LRP1B: variants seen among roughly 807,000 people sequenced by gnomAD.
LRP1B encodes LDL receptor related protein 1B.
Under a neutral mutation model 556.6 loss-of-function variants are expected in LRP1B, and 217 were observed. The observed-to-expected ratio is 0.39, with a 90% CI of 0.35 to 0.44. The LOEUF is 0.44. LRP1B is among the 20% of genes least tolerant of loss of function. The probability of loss-of-function intolerance (pLI) is 1.00; values close to 1 mark genes in which losing one functional copy is unlikely to be tolerated. For synonymous variants in LRP1B, 2,047 were observed against 1,865.8 expected, an observed-to-expected ratio of 1.10 and a Z score of -2.50; for missense variants, 5,053 against 5,620.8, an observed-to-expected ratio of 0.90 and a Z score of 3.23.
intron 3 of LRP1B, among the ~76,000 whole-genome samples, chr2:141,278,805 C>A (rs962915059): frequency 6.6e-6 from 1 of 152,096 alleles, no homozygotes; most frequent in African/African-American, 2.4e-5. Context: ...GGTAAAATAT[C>A]CAGGGAAGGC....
intron 1 of LRP1B, among the ~76,000 whole-genome samples, chr2:141,958,225 CTT>C (rs770380827): frequency 2.8e-4 from 42 of 152,016 alleles, no homozygotes; most frequent in Non-Finnish European, 5.6e-4. Context: ...GGCATGCTGA[CTT>C]TGTTCAGAAG....
chr2:141,241,890 AAAT>A (rs1683891467), intron 5 of LRP1B, among the ~76,000 whole-genome samples: 1 of 152,052 alleles, frequency 6.6e-6, no homozygotes. Flanking sequence ...CGGCTCAATG[AAAT>A]AATAACTTAT....
chr2:141,955,053 T>C (rs1192915826), intron 1 of LRP1B, among the ~76,000 whole-genome samples: 1 of 152,164 alleles, frequency 6.6e-6, no homozygotes, highest in Non-Finnish European at 1.5e-5. Flanking sequence ...GACAACAGAC[T>C]GGTTGAAGAT....
intron 3 of LRP1B, among the ~76,000 whole-genome samples, chr2:141,339,372 C>T (rs1323334117): frequency 2.0e-5 from 3 of 151,798 alleles, no homozygotes; most frequent in Non-Finnish European, 2.9e-5. Context: ...AGTCAATACT[C>T]TGGACCTTTG....
intron 1 of LRP1B, among the ~76,000 whole-genome samples, chr2:142,030,490 C>G (rs1428544655): frequency 1.3e-5 from 2 of 151,674 alleles, no homozygotes; most frequent in African/African-American, 2.4e-5. Flanking sequence ...TAAGTTGATA[C>G]TGAGAAAATG....
chr2:141,237,904 G>A (rs1683704447), intron 5 of LRP1B, among the ~76,000 whole-genome samples: 1 of 152,098 alleles, frequency 6.6e-6, no homozygotes. Flanking sequence ...TTTAGTACAT[G>A]AATGAAATAT....
chr2:140,492,824 A>C, intron 56 of LRP1B, 131 bp from the exon 57 acceptor site: 1 of 641,190 alleles, frequency 1.6e-6, no homozygotes, highest in Non-Finnish European at 2.8e-6. Flanking sequence ...GGGTTTAAAA[A>C]GGATCATACT....
At chr2:140,383,295 T>TGC (rs1683616272) in intron 67 of LRP1B, among the ~76,000 whole-genome samples, 1 of 118,628 alleles carries the variant, frequency 8.4e-6, no homozygotes, top group South Asian at 3.2e-4. Flanking sequence ...GTGATGTGCG[T>TGC]GTGTGTGTGT....
intron 2 of LRP1B, among the ~76,000 whole-genome samples, chr2:141,636,762 A>C (rs1478738121): frequency 6.6e-6 from 1 of 152,112 alleles, no homozygotes; most frequent in East Asian, 1.9e-4. Flanking sequence ...AAGGAAAAAA[A>C]AAACATAAGG....
intron 35 of LRP1B, among the ~76,000 whole-genome samples, chr2:140,730,542 C>T (rs981560125): frequency 6.6e-6 from 1 of 151,922 alleles, no homozygotes; most frequent in Non-Finnish European, 1.5e-5. Flanking sequence ...CTTTCTTCCC[C>T]ATATTCAATT....
At chr2:141,418,776 C>G (rs1404844654) in intron 3 of LRP1B, among the ~76,000 whole-genome samples, 7 of 151,790 alleles carry the variant, frequency 4.6e-5, no homozygotes, top group African/African-American at 1.7e-4. Context: ...GTAAAAAATG[C>G]CATTAGGATT....
rs201104875 is a variant in LRP1B at position 140,390,406 on chromosome 2, C to G, written c.10415-4397G>C. On this transcript the variant is annotated intron_variant, in intron 66 of 90. Coordinates refer to ENST00000389484, the MANE Select transcript of LRP1B (RefSeq NM_018557.3). ...ATATTGCTAAAACAAGTGGTTACCT[C>G]TATAAAAAACATAAATCTCCATCCC... Among the ~76,000 whole-genome samples the G allele has an allele frequency of 5.3e-5, 8 of 151,866 alleles. No individual in the cohort carries two copies. The East Asian group carries it at 1.2e-3, about 22-fold the overall frequency.
chr2:141,688,676 C>T (rs1337425032), intron 2 of LRP1B, among the ~76,000 whole-genome samples: 2 of 151,850 alleles, frequency 1.3e-5, no homozygotes, highest in Non-Finnish European at 2.9e-5. Flanking sequence ...CCCATGCAAT[C>T]TCGTTCCAGA....
At chr2:141,529,979 T>C (rs1177780779) in intron 2 of LRP1B, among the ~76,000 whole-genome samples, 1 of 152,148 alleles carries the variant, frequency 6.6e-6, no homozygotes, top group East Asian at 1.9e-4. Flanking sequence ...AATAATGATA[T>C]ACAGCAAGGA....
At chr2:141,723,774 TGACCTA>T (rs534517875) in intron 2 of LRP1B, among the ~76,000 whole-genome samples, 468 of 152,024 alleles carry the variant, frequency 3.1e-3, no homozygotes, top group Admixed American at 4.6e-3. Flanking sequence ...TTATATTTCA[TGACCTA>T]GTGTCTCTTC....
At chr2:140,234,953 A>G (rs1680634130) in intron 89 of LRP1B, 69 bp from the exon 90 acceptor site, 2 of 679,104 alleles carry the variant, frequency 2.9e-6, no homozygotes, top group Non-Finnish European at 5.4e-6. Flanking sequence ...GATACATATC[A>G]TGTTAATTCA....
intron 7 of LRP1B, among the ~76,000 whole-genome samples, chr2:141,082,554 T>C (rs1044872495): frequency 2.0e-5 from 3 of 152,204 alleles, no homozygotes; most frequent in Non-Finnish European, 4.4e-5. Context: ...ATGGAAAATA[T>C]TATCTTACCC....
intron 2 of LRP1B, among the ~76,000 whole-genome samples, chr2:141,526,012 C>T (rs529530734): frequency 3.3e-5 from 5 of 152,014 alleles, no homozygotes; most frequent in Non-Finnish European, 7.4e-5. Context: ...ATAATATTAT[C>T]TTCCAGTTCT....
intron 2 of LRP1B, among the ~76,000 whole-genome samples, chr2:141,550,491 T>C (rs1685712122): frequency 6.6e-6 from 1 of 152,164 alleles, no homozygotes; most frequent in Admixed American, 6.5e-5. Context: ...TCACAATAAC[T>C]TATAGAGAGT....
Sources: allele counts gnomAD v4.1 joint callset (sites outside exome capture counted in the v4.1 genomes callset), GRCh38; gene constraint gnomAD v4.1.1; transcripts MANE v1.5; gene names NCBI Gene and HGNC (gene_info 2026-07-23, HGNC 2026-07-21).